The following GNAI1 variants were observed in gnomAD, a reference collection of about 807,000 sequenced individuals.
GNAI1 encodes guanine nucleotide-binding protein G(i) subunit alpha-1.
In GNAI1, 11 loss-of-function variants were observed where a neutral mutation model predicts 38.9. The ratio of observed to expected loss-of-function variants is 0.28; its 90% CI spans 0.18 to 0.47. The LOEUF is 0.47. Among genes scored for constraint, GNAI1 ranks in the 20% least tolerant of loss-of-function variants. The pLI, the probability that GNAI1 is intolerant of heterozygous loss-of-function variation, is 0.99. For synonymous variants in GNAI1, 166 were observed against 145.1 expected (o/e 1.14, Z -1.04); for missense variants, 317 against 436.9 (o/e 0.73, Z 2.45).
intron 1 of GNAI1, among the ~76,000 whole-genome samples, chr7:80,160,186 T>G (rs993974215): frequency 7.1e-6 from 1 of 140,618 alleles, no homozygotes; most frequent in African/African-American, 2.8e-5. Flanking sequence ...CTCCTCTAAG[T>G]TAGGTTATTT....
chr7:80,152,947 A>G (rs1240982026), intron 1 of GNAI1, among the ~76,000 whole-genome samples: 1 of 152,218 alleles, frequency 6.6e-6, no homozygotes, highest in Non-Finnish European at 1.5e-5. Flanking sequence ...ATTTATTAAA[A>G]AAAAAACCTG....
Position 80,226,078 on chromosome 7 carries a change from G to A in GNAI1, c.*8585G>A, listed in dbSNP as rs1789152644. Reference sequence around the variant, plus strand: ...ACCTGAATGATTAAACCTGATTTAAGTCCCTCTAACAATTATGAAGAAAAA... The same window carrying A: ...ACCTGAATGATTAAACCTGATTTAAATCCCTCTAACAATTATGAAGAAAAA... On this transcript the variant is annotated 3_prime_UTR_variant, in exon 8 of 8. Transcript: ENST00000649796. Among the ~76,000 whole-genome samples the A allele has an allele frequency of 6.6e-6, 1 of 151,896 alleles. No homozygotes were observed. The highest frequency in any genetic ancestry group is 1.9e-4 in the East Asian group (1 of 5,174).
At chr7:80,199,039 G>C (rs564776645) in intron 3 of GNAI1, among the ~76,000 whole-genome samples, 186 bp from the exon 4 acceptor site, 2 of 152,066 alleles carry the variant, frequency 1.3e-5, no homozygotes, top group African/African-American at 4.8e-5. Flanking sequence ...TATGATGTGT[G>C]ATTATTGTCT....
At chr7:80,217,213 T>TTCAGTTTCATATGTATGAAACTGACG (rs1358094476) in intron 7 of GNAI1, 90 bp from the exon 8 acceptor site, 132 of 816,262 alleles carry the variant, frequency 1.6e-4, no homozygotes, top group East Asian at 1.1e-3. Flanking sequence ...TGAAACTGAC[T>TTCAGTTTCATATGTATGAAACTGACG]TCAGTTTCAT....
At position 80,164,363 on chromosome 7, in the gene GNAI1, C is replaced by CT. The variant is rs561048377; in HGVS notation, c.119-24581dup. ...GCTGCTTTCTTTTTTTCTTGCTTTC[C>CT]TTTTTTTCTTTTTTTTTGAGACGGA... On this transcript the variant is annotated intron_variant, in intron 1 of 7. Transcript: ENST00000649796. Among the ~76,000 whole-genome samples, 479 of 148,704 alleles carry CT rather than the reference C, an allele frequency of 3.2e-3. 3 individuals are homozygous for CT. The highest frequency in any genetic ancestry group is 0.011 in the African/African-American group (451 of 40,384).
At chr7:80,189,671 A>G (rs1020301133) in intron 3 of GNAI1, among the ~76,000 whole-genome samples, 2 of 152,190 alleles carry the variant, frequency 1.3e-5, no homozygotes, top group African/African-American at 4.8e-5. Context: ...AACAGTATAA[A>G]AGTTTGCTTA....
chr7:80,225,428 T>A lies in GNAI1; in HGVS notation c.*7935T>A, dbSNP rs1485154138. ...TTAGTCTGCAGCCAAATCAAAAGAT[T>A]AGTGGGGTTTTTTTTAATGTTGTTA... On this transcript the variant is annotated 3_prime_UTR_variant, in exon 8 of 8. Transcript: ENST00000649796. 6.6e-6 allele frequency among the ~76,000 whole-genome samples: 1 copy of A among 152,134 alleles called. No homozygotes were observed. Among genetic ancestry groups the A allele is most frequent in the Non-Finnish European group, 1.5e-5 (1 of 68,020 alleles).
intron 1 of GNAI1, among the ~76,000 whole-genome samples, chr7:80,152,075 A>G (rs1787736696): frequency 6.6e-6 from 1 of 152,174 alleles, no homozygotes; most frequent in African/African-American, 2.4e-5. Flanking sequence ...TCAGTTTTCT[A>G]GAACTAAGGT....
rs1584065376 is a variant in GNAI1, at chr7:80,225,713, A to C, written c.*8220A>C. On this transcript the variant is annotated 3_prime_UTR_variant, in exon 8 of 8. Transcript: ENST00000649796. Reference sequence around the variant, plus strand: ...TTTTGATAAAGACAGAAGATTGCAAATGGTTTGCTCTTTAACAGTCAATAA... The same window carrying C: ...TTTTGATAAAGACAGAAGATTGCAACTGGTTTGCTCTTTAACAGTCAATAA... 1.3e-5 allele frequency among the ~76,000 whole-genome samples: 2 copies of C among 152,220 alleles called. No individual in the cohort carries two copies. Among genetic ancestry groups the C allele is most frequent in the East Asian group, 3.8e-4 (2 of 5,198 alleles).
At chr7:80,164,482 C>T (rs1420269815) in intron 1 of GNAI1, among the ~76,000 whole-genome samples, 1 of 152,086 alleles carries the variant, frequency 6.6e-6, no homozygotes, top group Non-Finnish European at 1.5e-5. Flanking sequence ...CTGCCATAGC[C>T]TCCCTAGTAG....
chr7:80,135,841 A>C, intron 1 of GNAI1: 1 of 985,238 alleles, frequency 1.0e-6, no homozygotes, highest in East Asian at 1.1e-4. Flanking sequence ...TTAAGTGGTC[A>C]AGGAGCGCTG....
At chr7:80,187,678 T>C (rs1002903188) in intron 1 of GNAI1, among the ~76,000 whole-genome samples, 4 of 152,150 alleles carry the variant, frequency 2.6e-5, no homozygotes, top group African/African-American at 9.7e-5. Context: ...GAAAATATAG[T>C]GAAAATCCTG....
intron 1 of GNAI1, among the ~76,000 whole-genome samples, chr7:80,166,399 G>A (rs1233969325): frequency 6.6e-6 from 1 of 152,042 alleles, no homozygotes; most frequent in Non-Finnish European, 1.5e-5. Flanking sequence ...AAAAAACAGA[G>A]GGGGTTACTA....
chr7:80,185,537 A>G (rs1195935996), intron 1 of GNAI1, among the ~76,000 whole-genome samples: 1 of 152,102 alleles, frequency 6.6e-6, no homozygotes, highest in African/African-American at 2.4e-5. Context: ...CAATCTGTAC[A>G]CTTCAACCCA....
At chr7:80,206,182 A>G (rs1788772835) in intron 5 of GNAI1, among the ~76,000 whole-genome samples, 1 of 152,056 alleles carries the variant, frequency 6.6e-6, no homozygotes, top group Non-Finnish European at 1.5e-5. Context: ...GAATTTACAG[A>G]AAACTAAAGC....
chr7:80,206,386 G>A (rs923348909), intron 5 of GNAI1, among the ~76,000 whole-genome samples: 1 of 142,766 alleles, frequency 7.0e-6, no homozygotes, highest in African/African-American at 3.0e-5. Context: ...TTACGCTGCT[G>A]TCATTATCTG....
At chr7:80,152,599 T>C (rs952764670) in intron 1 of GNAI1, among the ~76,000 whole-genome samples, 3 of 149,304 alleles carry the variant, frequency 2.0e-5, no homozygotes, top group Non-Finnish European at 3.0e-5. Flanking sequence ...GTCTTGCTCT[T>C]GCCCACGCTG....
At chr7:80,198,721 C>G (rs1788626428) in intron 3 of GNAI1, among the ~76,000 whole-genome samples, 2 of 152,094 alleles carry the variant, frequency 1.3e-5, no homozygotes, top group African/African-American at 4.8e-5. Context: ...CTGGTCTTGC[C>G]CACTCCACAT....
intron 1 of GNAI1, among the ~76,000 whole-genome samples, chr7:80,171,217 A>G (rs551795153): frequency 2.6e-5 from 4 of 152,188 alleles, no homozygotes; most frequent in African/African-American, 9.7e-5. Flanking sequence ...GCAATGATAA[A>G]TTTGATGTAT....
Sources: allele counts gnomAD v4.1 joint callset (sites outside exome capture counted in the v4.1 genomes callset), GRCh38; gene constraint gnomAD v4.1.1; transcripts MANE v1.5; gene names NCBI Gene and HGNC (gene_info 2026-07-23, HGNC 2026-07-21).